The following ADGRD1 variants were observed in gnomAD, a reference collection of about 807,000 sequenced individuals.
The protein encoded by ADGRD1 is G-protein coupled receptor 133.
In ADGRD1, 77 loss-of-function variants were observed where a neutral mutation model predicts 113.4. The ratio of observed to expected loss-of-function variants is 0.68; its 90% CI spans 0.57 to 0.82. The LOEUF (loss-of-function observed/expected upper bound fraction) is 0.82, where lower values mean the gene tolerates loss of function less well. Among genes scored for constraint, ADGRD1 ranks in the 40% least tolerant of loss-of-function variants. The pLI is 0.00. For synonymous variants in ADGRD1, 474 were observed against 475.0 expected (o/e 1.00, Z 0.03); for missense variants, 1,036 against 1,139.1 (o/e 0.91, Z 1.30).
chr12:131,021,304 G>A (rs1354241038), intron 13 of ADGRD1, among the ~76,000 whole-genome samples: 5 of 152,154 alleles, frequency 3.3e-5, no homozygotes, highest in Non-Finnish European at 4.4e-5. Context: ...GGCACAGAGC[G>A]CTTAGTTGTC....
chr12:131,002,116 C>T (rs1038716880), intron 9 of ADGRD1, among the ~76,000 whole-genome samples: 1 of 152,204 alleles, frequency 6.6e-6, no homozygotes, highest in Non-Finnish European at 1.5e-5. Flanking sequence ...GTGTCCAAAG[C>T]TGCAGGCTGG....
chr12:131,065,871 A>G (rs1431908981), intron 13 of ADGRD1, among the ~76,000 whole-genome samples: 2 of 152,152 alleles, frequency 1.3e-5, no homozygotes, highest in Non-Finnish European at 2.9e-5. Flanking sequence ...GGAAGCCCCC[A>G]TCTCCCAGGT....
chr12:131,102,027 A>AG (rs1424762278), intron 15 of ADGRD1, among the ~76,000 whole-genome samples: 2 of 152,270 alleles, frequency 1.3e-5, no homozygotes, highest in African/African-American at 4.8e-5. Context: ...ATAGCTGAAC[A>AG]GGGGGGTTTA....
intron 24 of ADGRD1, among the ~76,000 whole-genome samples, 183 bp downstream of exon 24, chr12:131,138,412 C>T (rs1036420913): frequency 3.3e-5 from 5 of 152,188 alleles, no homozygotes; most frequent in Non-Finnish European, 5.9e-5. Flanking sequence ...TGCCCTGTGT[C>T]CTGATGAAGT....
Position 131,050,603 on chromosome 12 carries a change from G to A in ADGRD1, c.1474-26198G>A, listed in dbSNP as rs1191139896. On this transcript the variant is annotated intron_variant, in intron 13 of 24. Coordinates refer to ENST00000261654, the MANE Select transcript of ADGRD1 (RefSeq NM_198827.5). The surrounding 1 kb of genome is among the most constrained non-coding windows in gnomAD (Gnocchi z 4.8). ...GTCTTACATGGGCAGATCAAGAGAGGTGGGGGGTGCCACACACTTTTAAGC... is the reference window on the plus strand; with the variant it reads ...GTCTTACATGGGCAGATCAAGAGAGATGGGGGGTGCCACACACTTTTAAGC... Among the ~76,000 whole-genome samples, 4 of 152,116 alleles carry A rather than the reference G, an allele frequency of 2.6e-5. No homozygotes were observed. The highest frequency in any genetic ancestry group is 4.8e-5 in the African/African-American group (2 of 41,436).
rs111748129 is a variant in ADGRD1 at position 131,119,808 on chromosome 12, C to T, written c.2109-1039C>T. ...GTGCATCCTCAGATGAGAGGTTTCTCCTCTCCGTGCTCTGGGTGTGCAGCC... is the reference window on the plus strand; with the variant it reads ...GTGCATCCTCAGATGAGAGGTTTCTTCTCTCCGTGCTCTGGGTGTGCAGCC... On this transcript the variant is annotated intron_variant, in intron 19 of 24. Coordinates refer to ENST00000261654, the MANE Select transcript of ADGRD1 (RefSeq NM_198827.5). Among the ~76,000 whole-genome samples the T allele has an allele frequency of 2.3e-3, 348 of 152,322 alleles. 2 individuals are homozygous for T. The highest frequency in any genetic ancestry group is 7.8e-3 in the African/African-American group (324 of 41,584).
rs1477758650 is a variant in ADGRD1, at chr12:131,140,733, G to C, written c.*1470G>C. ...AATGTAACTCTTCCCCTGGTCGCCT[G>C]GAGTGGACCACTCATCTGCAGGCCT... On this transcript the variant is annotated 3_prime_UTR_variant, in exon 25 of 25. Transcript: ENST00000261654. 6.6e-6 allele frequency: 1 copy of C among 152,258 alleles called. No homozygotes were observed. The highest frequency in any genetic ancestry group is 1.5e-5 in the Non-Finnish European group (1 of 68,068). 9.4% of individuals were successfully genotyped at this position (152,258 alleles called of 1,614,324 possible).
intron 13 of ADGRD1, among the ~76,000 whole-genome samples, chr12:131,025,387 G>A (rs1321716958): frequency 2.0e-5 from 3 of 152,134 alleles, no homozygotes; most frequent in Non-Finnish European, 2.9e-5. Flanking sequence ...TTCCCCTGGC[G>A]GCACTCTGTC....
In ADGRD1 at chr12:131,050,085, C is replaced by T. The variant is rs527380196; in HGVS notation, c.1474-26716C>T. 3.5e-4 allele frequency among the ~76,000 whole-genome samples: 53 copies of T among 152,200 alleles called. No homozygotes were observed. The South Asian group carries it at 9.4e-3, about 27-fold the overall frequency. ...GTGCTTGGCACATAGATTGGATACACGGGGGTCCAGGAATGCGTGCAGGAA... is the reference window on the plus strand; with the variant it reads ...GTGCTTGGCACATAGATTGGATACATGGGGGTCCAGGAATGCGTGCAGGAA... On this transcript the variant is annotated intron_variant, in intron 13 of 24. Transcript: ENST00000261654. This position sits in a 1 kb window ranked among gnomAD's most constrained non-coding sequence, Gnocchi z 4.8.
intron 12 of ADGRD1, among the ~76,000 whole-genome samples, chr12:131,013,631 G>C (rs1878200052): frequency 6.6e-6 from 1 of 152,216 alleles, no homozygotes; most frequent in South Asian, 2.1e-4. Flanking sequence ...CAGGCTGTGT[G>C]GGCTGTGAGC....
chr12:131,038,640 G>A (rs1343707148), intron 13 of ADGRD1, among the ~76,000 whole-genome samples: 2 of 152,224 alleles, frequency 1.3e-5, no homozygotes, highest in African/African-American at 4.8e-5. Flanking sequence ...AGCACGGGCT[G>A]TTTCCTCATG....
chr12:131,120,233 C>T (rs1468042742), intron 19 of ADGRD1, among the ~76,000 whole-genome samples: 1 of 152,128 alleles, frequency 6.6e-6, no homozygotes, highest in Non-Finnish European at 1.5e-5. Context: ...ATGAGAGGTC[C>T]TAGGGACTCT....
chr12:131,139,103 C>T, intron 24 of ADGRD1, 65 bp from the exon 25 acceptor site: 1 of 1,281,764 alleles, frequency 7.8e-7, no homozygotes, highest in Non-Finnish European at 1.1e-6. Context: ...TCCCCGCACT[C>T]ACTGGGCTTA....
intron 14 of ADGRD1, among the ~76,000 whole-genome samples, chr12:131,080,915 C>T (rs569720161): frequency 4.7e-4 from 71 of 152,306 alleles, no homozygotes; most frequent in African/African-American, 1.5e-3. Flanking sequence ...CCACTGCACC[C>T]GGCCTAGTTT....
intron 15 of ADGRD1, 22 bp from the exon 16 acceptor site, chr12:131,104,809 G>C (rs571771674): frequency 7.2e-6 from 11 of 1,523,568 alleles, no homozygotes; most frequent in Non-Finnish European, 9.7e-6. Flanking sequence ...TGCTGCTGAC[G>C]CCTCTGCTCT....
At chr12:130,972,299 A>G (rs545364303) in intron 4 of ADGRD1, among the ~76,000 whole-genome samples, 2 of 152,298 alleles carry the variant, frequency 1.3e-5, no homozygotes, top group South Asian at 4.1e-4. Context: ...AGGCAAAATG[A>G]AAGTTATGAT....
chr12:130,973,225 C>G (rs1196453267), intron 4 of ADGRD1: 1 of 152,224 alleles, frequency 6.6e-6, no homozygotes, highest in Non-Finnish European at 1.5e-5. Context: ...CAGAGCCTGT[C>G]CGCAGCATGA....
intron 15 of ADGRD1, among the ~76,000 whole-genome samples, chr12:131,086,421 C>T (rs1455403262): frequency 6.6e-6 from 1 of 152,218 alleles, no homozygotes; most frequent in Non-Finnish European, 1.5e-5. Context: ...CACTGCGACA[C>T]AGTCACGGAT....
intron 8 of ADGRD1, among the ~76,000 whole-genome samples, chr12:130,995,105 G>T (rs1286106732): frequency 1.3e-5 from 2 of 152,232 alleles, no homozygotes. Flanking sequence ...CCTGAACTGA[G>T]TGTGATAGGG....
Sources: allele counts gnomAD v4.1 joint callset (sites outside exome capture counted in the v4.1 genomes callset), GRCh38; gene constraint gnomAD v4.1.1; non-coding constraint Gnocchi (gnomAD v3.1); transcripts MANE v1.5; gene names NCBI Gene and HGNC (gene_info 2026-07-23, HGNC 2026-07-21).